The following ME1 variants were observed in gnomAD, a reference collection of about 807,000 sequenced individuals.
ME1 encodes the protein malic enzyme 1, also known as NADP-dependent malic enzyme.
In ME1, 74 loss-of-function variants were observed where a neutral mutation model predicts 66.4. That is an observed-to-expected ratio of 1.11 (90% CI 0.92 to 1.35). The LOEUF (loss-of-function observed/expected upper bound fraction) is 1.35, where lower values mean the gene tolerates loss of function less well. Among genes scored for constraint, ME1 ranks in the 40% most tolerant of loss-of-function variants. ME1 has a pLI of 0.00. For missense variants in ME1, 750 were observed against 694.1 expected (o/e 1.08, Z -0.90); for synonymous variants, 251 against 235.6 (o/e 1.07, Z -0.60).
chr6:83,279,468 T>C (rs1330543151), intron 6 of ME1, among the ~76,000 whole-genome samples: 1 of 152,138 alleles, frequency 6.6e-6, no homozygotes, highest in East Asian at 1.9e-4. Flanking sequence ...AAGGTAATGA[T>C]AGAAGTCAAA....
intron 3 of ME1, chr6:83,392,587 G>A (rs932495121): frequency 3.4e-5 from 19 of 564,866 alleles, no homozygotes; most frequent in South Asian, 9.6e-5. Context: ...CAAATTCCAC[G>A]GCACCGTCAA....
chr6:83,299,163 C>G (rs982019025), intron 6 of ME1, among the ~76,000 whole-genome samples: 1 of 151,492 alleles, frequency 6.6e-6, no homozygotes, highest in African/African-American at 2.4e-5. Context: ...ATGGAAATAG[C>G]ATTGAATTTA....
At chr6:83,239,871 G>A (rs1790479245) in intron 7 of ME1, among the ~76,000 whole-genome samples, 1 of 152,004 alleles carries the variant, frequency 6.6e-6, no homozygotes, top group Admixed American at 6.6e-5. Flanking sequence ...AAGATTCTGT[G>A]ACTTATCTTA....
At chr6:83,271,346 G>A (rs1235814195) in intron 6 of ME1, among the ~76,000 whole-genome samples, 1 of 152,172 alleles carries the variant, frequency 6.6e-6, no homozygotes, top group Non-Finnish European at 1.5e-5. Flanking sequence ...GGTCATAAGT[G>A]AAAAGAGCTG....
At chr6:83,367,503 C>G (rs1213632749) in intron 3 of ME1, among the ~76,000 whole-genome samples, 6 of 152,160 alleles carry the variant, frequency 3.9e-5, no homozygotes, top group African/African-American at 1.4e-4. Context: ...TTAGTGTGGC[C>G]ACCTTCATCA....
At chr6:83,298,931 GTTTTTTTTTTTTTTTTTTTTTTT>G (rs61055748) in intron 6 of ME1, among the ~76,000 whole-genome samples, 43 of 22,458 alleles carry the variant, frequency 1.9e-3, no homozygotes, top group African/African-American at 6.6e-3. Context: ...CTATGTGTCT[GTTTTTTTTTTTTTTTTTTTTTTT>G]TTTTTTTTTT....
At chr6:83,248,386 G>C (rs1790660754) in intron 7 of ME1, among the ~76,000 whole-genome samples, 1 of 152,138 alleles carries the variant, frequency 6.6e-6, no homozygotes, top group Non-Finnish European at 1.5e-5. Flanking sequence ...AAAATGAATT[G>C]ACAAGTGACT....
At chr6:83,429,568 ACAAT>A (rs1364829245) in intron 1 of ME1, among the ~76,000 whole-genome samples, 6 of 152,186 alleles carry the variant, frequency 3.9e-5, no homozygotes, top group South Asian at 2.1e-4. Context: ...AAAAGAAAAA[ACAAT>A]CAAACTAGCA....
chr6:83,416,943 A>G (rs1770171939), intron 1 of ME1, among the ~76,000 whole-genome samples: 1 of 152,072 alleles, frequency 6.6e-6, no homozygotes, highest in African/African-American at 2.4e-5. Context: ...TAATAGAAAT[A>G]ACAATTATTT....
Position 83,243,521 on chromosome 6 carries a change from A to G in ME1, c.815-3885T>C, listed in dbSNP as rs1400210270. ...TATTGATATAATCTATTATAATTAT[A>G]TTATATCGATATAATCTATTATAAT... On this transcript the variant is annotated intron_variant, in intron 7 of 13. Transcript: ENST00000369705. Among the ~76,000 whole-genome samples the G allele has an allele frequency of 8.0e-5, 10 of 125,400 alleles. 1 individual carries two copies. The South Asian group carries it at 9.1e-4, about 11-fold the overall frequency. 82.3% of individuals were successfully genotyped at this position (125,400 alleles called of 152,430 possible).
intron 3 of ME1, among the ~76,000 whole-genome samples, chr6:83,359,717 G>A (rs542181253): frequency 1.3e-5 from 2 of 152,324 alleles, no homozygotes; most frequent in South Asian, 4.1e-4. Flanking sequence ...CATCCCAGTA[G>A]GGTGGGTCCA....
chr6:83,292,206 T>C (rs1767516169), intron 6 of ME1, among the ~76,000 whole-genome samples: 1 of 152,162 alleles, frequency 6.6e-6, no homozygotes, highest in African/African-American at 2.4e-5. Flanking sequence ...GTGTTCTGTT[T>C]TTTGGAATTT....
At chr6:83,277,252 G>GAA (rs1252341151) in intron 6 of ME1, among the ~76,000 whole-genome samples, 1 of 152,128 alleles carries the variant, frequency 6.6e-6, no homozygotes. Context: ...CATATTCACT[G>GAA]TCTATAAGTT....
At chr6:83,247,392 A>G (rs1020125713) in intron 7 of ME1, among the ~76,000 whole-genome samples, 2 of 152,120 alleles carry the variant, frequency 1.3e-5, no homozygotes, top group South Asian at 4.1e-4. Flanking sequence ...ATGAGAATGC[A>G]TTCATGTCTA....
chr6:83,417,106 G>A (rs2128553013), intron 1 of ME1, among the ~76,000 whole-genome samples: 1 of 152,248 alleles, frequency 6.6e-6, no homozygotes, highest in Non-Finnish European at 1.5e-5. Context: ...ATAGAGTGCG[G>A]TAGTATAATC....
chr6:83,399,600 A>G (rs1019542401), intron 2 of ME1, among the ~76,000 whole-genome samples: 16 of 152,192 alleles, frequency 1.1e-4, no homozygotes, highest in African/African-American at 3.4e-4. Flanking sequence ...TTTTCTTTGT[A>G]TCTGTATCTT....
At chr6:83,293,029 C>G (rs1767532343) in intron 6 of ME1, among the ~76,000 whole-genome samples, 1 of 152,182 alleles carries the variant, frequency 6.6e-6, no homozygotes, top group Non-Finnish European at 1.5e-5. Context: ...GAGCATACCA[C>G]TCCTCCAGGT....
chr6:83,359,954 T>C (rs764629288), intron 3 of ME1, among the ~76,000 whole-genome samples: 2 of 152,296 alleles, frequency 1.3e-5, no homozygotes, highest in Middle Eastern at 3.4e-3. Flanking sequence ...GCTACCGTAA[T>C]AGAGAGCAGA....
At chr6:83,366,938 C>T (rs2128546754) in intron 3 of ME1, among the ~76,000 whole-genome samples, 1 of 152,244 alleles carries the variant, frequency 6.6e-6, no homozygotes, top group Non-Finnish European at 1.5e-5. Context: ...TTTACTTTGC[C>T]CAGATCCATC....
Sources: gnomAD v4.1 joint callset for allele counts (sites outside exome capture counted in the v4.1 genomes callset) on GRCh38, gnomAD v4.1.1 for gene constraint, MANE v1.5 for transcripts, NCBI Gene and HGNC (gene_info 2026-07-23, HGNC 2026-07-21) for gene names.